Variants in LTF observed in about 807,000 individuals in gnomAD.
LTF encodes the protein epididymis luminal protein 110.
Under a neutral mutation model 87.2 loss-of-function variants are expected in LTF, and 91 were observed. That is an observed-to-expected ratio of 1.04 (90% CI 0.88 to 1.24). LTF has a LOEUF of 1.24. Among genes scored for constraint, LTF ranks in the 50% most tolerant of loss-of-function variants. The pLI is 0.00. For synonymous variants in LTF, 378 were observed against 356.1 expected, an observed-to-expected ratio of 1.06 and a Z score of -0.69; for missense variants, 901 against 904.3, an observed-to-expected ratio of 1.00 and a Z score of 0.05.
chr3:46,452,970 G>A (rs1702839320), intron 6 of LTF, among the ~76,000 whole-genome samples: 1 of 152,218 alleles, frequency 6.6e-6, no homozygotes, highest in East Asian at 1.9e-4. Context: ...CCAACAAGGT[G>A]AGGCTTGTGG....
intron 1 of LTF, among the ~76,000 whole-genome samples, chr3:46,476,766 G>C (rs1369456284): frequency 6.6e-6 from 1 of 152,178 alleles, no homozygotes. Flanking sequence ...CATTATGACT[G>C]TGTGTGAAGT....
At chr3:46,444,116 C>A (rs891196385) in intron 12 of LTF, among the ~76,000 whole-genome samples, 1 of 152,162 alleles carries the variant, frequency 6.6e-6, no homozygotes, top group Non-Finnish European at 1.5e-5. Flanking sequence ...TTGGTACATG[C>A]CTTTTGCCCT....
chr3:46,461,656 C>A (rs533077555), intron 1 of LTF, among the ~76,000 whole-genome samples: 1 of 152,242 alleles, frequency 6.6e-6, no homozygotes, highest in East Asian at 1.9e-4. Flanking sequence ...TATAAACAGG[C>A]ATGAGGGACC....
rs878866082 is a variant in LTF, at chr3:46,438,133, C to T, written c.1909-4G>A. 8.1e-6 allele frequency: 13 copies of T among 1,611,358 alleles called. No homozygotes were observed. The highest frequency in any genetic ancestry group is 1.7e-4 in the Middle Eastern group (1 of 6,046). The stretch of plus-strand genomic sequence containing the variant: ...ATCCATTTCTCCCAAATTTAGCCTG[C>T]GACAAAAGGGCAGACAGTGAGTAGC... On this transcript the variant is annotated splice_polypyrimidine_tract_variant and splice_region_variant and intron_variant, in intron 15 of 16. Transcript: ENST00000231751.
upstream of LTF, chr3:46,468,158 T>A: frequency 2.2e-6 from 1 of 455,990 alleles, no homozygotes; most frequent in South Asian, 1.6e-5. Context: ...CAAAGGATCC[T>A]GTTTGTAATG....
chr3:46,482,050 A>T (rs543888900), intron 1 of LTF, among the ~76,000 whole-genome samples: 3 of 152,186 alleles, frequency 2.0e-5, no homozygotes, highest in Non-Finnish European at 4.4e-5. Context: ...ATTTTTTTTC[A>T]TGAATCAGAT....
chr3:46,450,166 G>C (rs1459209989), intron 7 of LTF, 138 bp from the exon 8 acceptor site: 1 of 725,170 alleles, frequency 1.4e-6, no homozygotes, highest in East Asian at 2.7e-5. Flanking sequence ...CTCCTGCAGA[G>C]GGACTTGTGC....
intron 7 of LTF, 150 bp downstream of exon 7, chr3:46,450,345 G>A (rs1702772707): frequency 3.6e-6 from 3 of 833,508 alleles, no homozygotes; most frequent in Admixed American, 5.2e-5. Flanking sequence ...GCTGTCCACA[G>A]TACAGCCTGG....
At chr3:46,438,937 C>G (rs113463595) in intron 15 of LTF, among the ~76,000 whole-genome samples, 1,653 of 152,112 alleles carry the variant, frequency 0.011, 34 homozygotes, top group African/African-American at 0.037. Context: ...GGAAATGTCA[C>G]CTGAGTAAAA....
intron 7 of LTF, 105 bp from the exon 8 acceptor site, chr3:46,450,133 G>C: frequency 1.0e-6 from 1 of 957,534 alleles, no homozygotes; most frequent in Non-Finnish European, 1.5e-6. Context: ...TTCTAACTGA[G>C]AGCAGGAGCC....
chr3:46,448,226 G>A (rs1575312044), intron 9 of LTF, among the ~76,000 whole-genome samples: 1 of 152,158 alleles, frequency 6.6e-6, no homozygotes, highest in East Asian at 1.9e-4. Context: ...AATTATGCAG[G>A]TGTGGTGGCG....
Position 46,445,390 on chromosome 3 carries a change from G to C in LTF, c.1404C>G (p.Thr468=), listed in dbSNP as rs148298947. Residue 468 remains threonine, a synonymous_variant, in exon 12 of 17, where the codon ACC becomes ACG. Transcript: ENST00000231751. ...AVVRRSDTSL[T]WNSVKGKKSC... ...ACTTCTTGCCTTTCACAGAGTTCCA[G>C]GTAAGGCTAGTGTCTGATCTCCTAA... The C allele has an allele frequency of 2.3e-5, 37 of 1,613,942 alleles. No individual in the cohort carries two copies. In the African/African-American group the frequency reaches 4.3e-4, roughly 19 times the overall value.
chr3:46,448,899 C>T lies in LTF; in HGVS notation c.1176G>A (p.Ser392=), dbSNP rs758871370. The change falls in exon 9 of 17, where the codon TCG becomes TCA. Residue 392 remains serine, a synonymous_variant. Coordinates refer to ENST00000231751, the MANE Select transcript of LTF (RefSeq NM_002343.6). ...GLSEGSVTCS[S]ASTTEDCIAL... ...CGATGCAGTCCTCTGTGGTGGAGGC[C>T]GAGGAGCAGGTCACGCTGCCTTCGC... The T allele has an allele frequency of 1.1e-5, 18 of 1,613,516 alleles. No individual in the cohort carries two copies. Among genetic ancestry groups the T allele is most frequent in the Middle Eastern group, 1.6e-4 (1 of 6,068 alleles).
intron 1 of LTF, among the ~76,000 whole-genome samples, chr3:46,478,526 C>T (rs1050627839): frequency 1.3e-5 from 2 of 152,188 alleles, no homozygotes; most frequent in East Asian, 1.9e-4. Context: ...AGGTCCACCC[C>T]GCTCTTAACC....
rs562755566 is a variant in LTF, at chr3:46,460,354, C to T, written c.44-535G>A. Among the ~76,000 whole-genome samples, 242 of 152,280 alleles carry T rather than the reference C, an allele frequency of 1.6e-3. 2 individuals are homozygous for T. Among genetic ancestry groups the T allele is most frequent in the South Asian group, 3.9e-3 (19 of 4,828 alleles). ...AGAACAGGGGAAAATATACCTGAGT[C>T]GGTTGGTAGCTGAGGTAAATGGTAA... is the stretch of plus-strand genomic sequence containing the variant. On this transcript the variant is annotated intron_variant, in intron 1 of 16. Transcript: ENST00000231751.
At chr3:46,446,326 G>C (rs535289982) in intron 11 of LTF, 114 bp downstream of exon 11, 4 of 726,366 alleles carry the variant, frequency 5.5e-6, no homozygotes, top group African/African-American at 5.3e-5. Context: ...GCTCCTAGAA[G>C]CCCTATAGCT....
chr3:46,448,810 G>A, intron 9 of LTF, 53 bp downstream of exon 9: 2 of 1,594,224 alleles, frequency 1.3e-6, no homozygotes, highest in Non-Finnish European at 1.7e-6. Context: ...AGATGCCCAG[G>A]CCCTAGGTCT....
chr3:46,459,642 C>A lies in LTF; in HGVS notation c.207+14G>T. ...ATTCAGCTTGGTCCCAACCAACACC[C>A]GGCATTGACTCACCGCAATGGCCTG... On this transcript the variant is annotated intron_variant, in intron 2 of 16. Transcript: ENST00000231751. 2 of 1,425,236 alleles carry A rather than the reference C, an allele frequency of 1.4e-6. No individual in the cohort carries two copies. Among genetic ancestry groups the A allele is most frequent in the Non-Finnish European group, 9.2e-7 (1 of 1,083,004 alleles). The allele number at this position is 1,425,236 out of a possible 1,614,324, so 88.3% of individuals were successfully genotyped here. A position where few individuals can be genotyped will look rare whatever the true frequency, so the allele number is the denominator to read the frequency against.
rs144107611 is a variant in LTF, at chr3:46,445,388, C to A, written c.1406G>T (p.Trp469Leu). The A allele has an allele frequency of 5.6e-6, 9 of 1,613,848 alleles. No homozygotes were observed. Among genetic ancestry groups the A allele is most frequent in the Non-Finnish European group, 7.6e-6 (9 of 1,179,916 alleles). The change falls in exon 12 of 17, where the codon TGG (tryptophan) becomes TTG (leucine). Residue 469 changes from tryptophan (W) to leucine (L), a missense_variant. By Grantham distance (61) the Trp-to-Leu change is moderately conservative. Transcript: ENST00000231751. ...VVRRSDTSLT[W>L]NSVKGKKSCH... ...GGACTTCTTGCCTTTCACAGAGTTC[C>A]AGGTAAGGCTAGTGTCTGATCTCCT...
Sources: allele counts gnomAD v4.1 joint callset (sites outside exome capture counted in the v4.1 genomes callset), GRCh38; gene constraint gnomAD v4.1.1; transcripts MANE v1.5; gene names NCBI Gene and HGNC (gene_info 2026-07-23, HGNC 2026-07-21).